LRP2: variants seen among roughly 807,000 people sequenced by gnomAD.
The protein encoded by LRP2 is LDL receptor related protein 2, also known as low-density lipoprotein receptor-related protein 2.
LRP2 carries 172 observed loss-of-function variants against 531.0 expected under a neutral mutation model. The ratio of observed to expected loss-of-function variants is 0.32; its 90% CI spans 0.29 to 0.37. The LOEUF is 0.37. Among genes scored for constraint, LRP2 ranks in the 10% least tolerant of loss-of-function variants. LRP2 has a pLI of 1.00. For missense variants in LRP2, 5,167 were observed against 5,868.3 expected, an observed-to-expected ratio of 0.88 and a Z score of 3.90; for synonymous variants, 1,992 against 2,027.6, an observed-to-expected ratio of 0.98 and a Z score of 0.47.
chr2:169,344,935 C>T (rs1470441040), intron 1 of LRP2, among the ~76,000 whole-genome samples: 1 of 152,018 alleles, frequency 6.6e-6, no homozygotes, highest in Non-Finnish European at 1.5e-5. Context: ...CAGGCAGTGA[C>T]TGAGATGAGA....
intron 52 of LRP2, among the ~76,000 whole-genome samples, chr2:169,178,291 C>T (rs1241174177): frequency 6.6e-6 from 1 of 152,204 alleles, no homozygotes; most frequent in Non-Finnish European, 1.5e-5. Flanking sequence ...TAATTCCTAA[C>T]CACAGCTGCT....
chr2:169,237,508 T>G (rs946171392), intron 27 of LRP2, among the ~76,000 whole-genome samples: 1 of 152,184 alleles, frequency 6.6e-6, no homozygotes, highest in African/African-American at 2.4e-5. Context: ...TAAGATGACT[T>G]CATTGTTTGG....
rs1689887389 is a variant in LRP2 at position 169,243,471 on chromosome 2, C to T, written c.3482G>A (p.Cys1161Tyr). 1.2e-6 allele frequency: 2 copies of T among 1,614,172 alleles called. No homozygotes were observed. Among genetic ancestry groups the T allele is most frequent in the Non-Finnish European group, 1.7e-6 (2 of 1,180,004 alleles). ...ATCACAGACAAACGATAGGTCAATA[C>T]ATCGATGATTGGGGCAATTAAACTG... ...PSQFNCPNHR[C>Y]IDLSFVCDGD... Residue 1161 changes from cysteine (C) to tyrosine (Y), a missense_variant, in exon 23 of 79, where the codon TGT becomes TAT. Physicochemically the swap from Cys to Tyr is radical, Grantham distance 194. Around this residue, in one of 6 missense-constraint regions of LRP2, gnomAD observed 2,811 missense variants for 3,058.0 expected, o/e 0.92. Transcript: ENST00000649046.
At chr2:169,237,911 A>G (rs1189190061) in intron 27 of LRP2, among the ~76,000 whole-genome samples, 180 bp downstream of exon 27, 1 of 152,154 alleles carries the variant, frequency 6.6e-6, no homozygotes, top group Admixed American at 6.5e-5. Context: ...CCACCCTCCT[A>G]TCTAAAACAG....
chr2:169,201,256 T>C lies in LRP2; in HGVS notation c.8452+372A>G, dbSNP rs190386742. On this transcript the variant is annotated intron_variant, in intron 44 of 78. Transcript: ENST00000649046. ...TGTAGATCTCATCTGAACCCTAACTTGAACAGAGAACAGTAAAAATACATT... is the reference window on the plus strand; with the variant it reads ...TGTAGATCTCATCTGAACCCTAACTCGAACAGAGAACAGTAAAAATACATT... 9.7e-3 allele frequency among the ~76,000 whole-genome samples: 1,458 copies of C among 150,960 alleles called. 15 individuals are homozygous for C. The highest frequency in any genetic ancestry group is 0.018 in the South Asian group (84 of 4,750).
intron 1 of LRP2, among the ~76,000 whole-genome samples, chr2:169,325,059 C>CA (rs5836231): frequency 0.018 from 1,342 of 75,456 alleles, 3 homozygotes; most frequent in African/African-American, 0.028. Context: ...AAGTTTTTTT[C>CA]AAAAAAAAAA....
chr2:169,303,919 T>A lies in LRP2; in HGVS notation c.427+3362A>T, dbSNP rs1226179135. ...CTATTTGTACTTAAATTTTTTTAAATAAAAAAAAACTTGATTAAAAATTCC... is the reference window on the plus strand; with the variant it reads ...CTATTTGTACTTAAATTTTTTTAAAAAAAAAAAAACTTGATTAAAAATTCC... On this transcript the variant is annotated intron_variant, in intron 4 of 78. Coordinates refer to ENST00000649046, the MANE Select transcript of LRP2 (RefSeq NM_004525.3). 5.3e-5 allele frequency among the ~76,000 whole-genome samples: 8 copies of A among 151,640 alleles called. No individual in the cohort carries two copies. In the South Asian group the frequency reaches 1.7e-3, roughly 32 times the overall value.
At chr2:169,234,075 C>T (rs1317321798) in intron 29 of LRP2, among the ~76,000 whole-genome samples, 2 of 152,190 alleles carry the variant, frequency 1.3e-5, no homozygotes, top group Non-Finnish European at 2.9e-5. Flanking sequence ...ATCTTTCCTT[C>T]AAGTCACAGC....
At chr2:169,204,917 A>G (rs2105330424) in intron 41 of LRP2, among the ~76,000 whole-genome samples, 1 of 152,346 alleles carries the variant, frequency 6.6e-6, no homozygotes, top group African/African-American at 2.4e-5. Flanking sequence ...GAAGTTACAT[A>G]CAAAATTAGA....
intron 7 of LRP2, 143 bp from the exon 8 acceptor site, chr2:169,291,140 T>A: frequency 2.8e-6 from 2 of 713,338 alleles, no homozygotes; most frequent in Non-Finnish European, 4.6e-6. Context: ...GTTAGTGATT[T>A]CTAACTCTAC....
In LRP2 at chr2:169,226,415, A is replaced by C; in HGVS notation, c.5394+7T>G. 2 of 1,610,352 alleles carry C rather than the reference A, an allele frequency of 1.2e-6. No homozygotes were observed. The highest frequency in any genetic ancestry group is 1.7e-6 in the Non-Finnish European group (2 of 1,176,872). ...ATTATATACTTTGAATGTTATTCAA[A>C]ACTTACTGGATTTTCAACCCAATAG... On this transcript the variant is annotated splice_region_variant and intron_variant, in intron 32 of 78. Transcript: ENST00000649046.
At chr2:169,236,460 ATTC>A (rs1689608889) in intron 28 of LRP2, among the ~76,000 whole-genome samples, 1 of 152,202 alleles carries the variant, frequency 6.6e-6, no homozygotes, top group African/African-American at 2.4e-5. Context: ...TTCATCAGGA[ATTC>A]ATCATAAATT....
intron 1 of LRP2, among the ~76,000 whole-genome samples, chr2:169,337,167 A>T (rs899593449): frequency 1.3e-5 from 2 of 152,138 alleles, no homozygotes; most frequent in Non-Finnish European, 2.9e-5. Context: ...GAACTTATTC[A>T]CGGGAAGGTT....
chr2:169,300,358 T>C (rs1317114681), intron 4 of LRP2, among the ~76,000 whole-genome samples: 1 of 152,068 alleles, frequency 6.6e-6, no homozygotes. Flanking sequence ...AGGCTTAGCA[T>C]AATGGCAGTC....
intron 1 of LRP2, among the ~76,000 whole-genome samples, chr2:169,328,441 TAAAA>T (rs537210492): frequency 8.1e-5 from 4 of 49,144 alleles, no homozygotes; most frequent in African/African-American, 2.2e-4. Flanking sequence ...CGGGCCGGGA[TAAAA>T]AAAAAAAAAA....
intron 3 of LRP2, among the ~76,000 whole-genome samples, chr2:169,314,593 C>T (rs1383432223): frequency 2.0e-5 from 3 of 152,136 alleles, no homozygotes; most frequent in African/African-American, 7.2e-5. Context: ...TCATTTTGTT[C>T]CTTCTTTCTG....
chr2:169,158,857 C>CA (rs35308196), intron 63 of LRP2, among the ~76,000 whole-genome samples: 7 of 47,666 alleles, frequency 1.5e-4, no homozygotes, highest in South Asian at 7.0e-4. Flanking sequence ...AAAAAAAAAA[C>CA]AAAAAAAACA....
At chr2:169,216,886 A>G (rs975332499) in intron 34 of LRP2, among the ~76,000 whole-genome samples, 1 of 152,218 alleles carries the variant, frequency 6.6e-6, no homozygotes, top group Non-Finnish European at 1.5e-5. Context: ...CGGCTACTTA[A>G]TTACCTAACC....
intron 74 of LRP2, among the ~76,000 whole-genome samples, chr2:169,138,928 G>T (rs1426244020): frequency 6.6e-6 from 1 of 152,090 alleles, no homozygotes; most frequent in Non-Finnish European, 1.5e-5. Flanking sequence ...AGATCTAAAA[G>T]AAAAAGAGTC....
Sources: allele counts gnomAD v4.1 joint callset (sites outside exome capture counted in the v4.1 genomes callset), GRCh38; gene constraint gnomAD v4.1.1; regional missense constraint gnomAD v4.1.1; transcripts MANE v1.5; gene names NCBI Gene and HGNC (gene_info 2026-07-23, HGNC 2026-07-21).